The following CERS3 variants were observed in gnomAD, a reference collection of about 807,000 sequenced individuals.
CERS3 encodes the protein ceramide synthase 3.
In CERS3, 33 loss-of-function variants were observed where a neutral mutation model predicts 50.3. The observed-to-expected ratio is 0.66, with a 90% confidence interval of 0.50 to 0.88. The LOEUF is 0.88. Ranked by LOEUF, CERS3 falls within the 40% of genes least tolerant of loss-of-function variation. The pLI is 0.00. For missense variants in CERS3, 470 were observed against 460.3 expected, an observed-to-expected ratio of 1.02 and a Z score of -0.19; for synonymous variants, 176 against 155.2, an observed-to-expected ratio of 1.13 and a Z score of -0.99.
intron 5 of CERS3, among the ~76,000 whole-genome samples, chr15:100,482,238 A>G (rs1567651093): frequency 6.6e-6 from 1 of 152,224 alleles, no homozygotes; most frequent in Admixed American, 6.5e-5. Flanking sequence ...AGAATGAGAT[A>G]AACATAAACG....
At chr15:100,512,545 GA>G (rs2036375016) in intron 2 of CERS3, among the ~76,000 whole-genome samples, 1 of 152,206 alleles carries the variant, frequency 6.6e-6, no homozygotes, top group African/African-American at 2.4e-5. Context: ...CTCCTTTCAA[GA>G]GGGTCTGCAT....
intron 1 of CERS3, among the ~76,000 whole-genome samples, chr15:100,524,980 A>G (rs2036745062): frequency 6.6e-6 from 1 of 152,228 alleles, no homozygotes; most frequent in Non-Finnish European, 1.5e-5. Context: ...GAACCTGAAT[A>G]TAGTAAGTAA....
chr15:100,403,446 A>C (rs2030716817), intron 11 of CERS3, among the ~76,000 whole-genome samples: 1 of 152,168 alleles, frequency 6.6e-6, no homozygotes, highest in Non-Finnish European at 1.5e-5. Context: ...AAAAAACAAT[A>C]AGGAAAACCA....
At chr15:100,506,161 C>A (rs1209443858) in intron 2 of CERS3, among the ~76,000 whole-genome samples, 1 of 151,796 alleles carries the variant, frequency 6.6e-6, no homozygotes, top group Non-Finnish European at 1.5e-5. Context: ...TGATGACCCA[C>A]AGAATGGAAA....
rs373815290 is a variant in CERS3 at position 100,484,685 on chromosome 15, C to T, written c.289-17G>A. The T allele has an allele frequency of 1.1e-5, 17 of 1,537,466 alleles. No homozygotes were observed. The highest frequency in any genetic ancestry group is 3.3e-5 in the Admixed American group (2 of 59,894). On this transcript the variant is annotated splice_polypyrimidine_tract_variant and intron_variant, in intron 4 of 11. Transcript: ENST00000679737. ...AATATCAGTCTGAAAAGGGATGAAA[C>T]GCATAAATGAGTGATAAAGAACAGA...
intron 10 of CERS3, among the ~76,000 whole-genome samples, chr15:100,466,185 G>C (rs937269662): frequency 2.0e-5 from 3 of 152,100 alleles, no homozygotes; most frequent in African/African-American, 7.2e-5. Flanking sequence ...CAACAGTGTG[G>C]GAAAATAGCG....
chr15:100,486,850 C>CT (rs139248082), intron 4 of CERS3, among the ~76,000 whole-genome samples: 3,423 of 152,320 alleles, frequency 0.022, 137 homozygotes, highest in African/African-American at 0.078. Context: ...AAGTCCTTGT[C>CT]TTTATTCTGG....
At chr15:100,494,493 C>T (rs577297734) in intron 3 of CERS3, among the ~76,000 whole-genome samples, 171 of 151,890 alleles carry the variant, frequency 1.1e-3, no homozygotes, top group African/African-American at 3.9e-3. Context: ...ATGATCCACC[C>T]GCCTTGGCCT....
At position 100,503,886 on chromosome 15, in the gene CERS3, C is replaced by T. The variant is rs115801082; in HGVS notation, c.-1-2036G>A. The T allele has an allele frequency of 6.9e-4, 262 of 378,542 alleles. 1 individual carries two copies. Among genetic ancestry groups the T allele is most frequent in the African/African-American group, 5.2e-3 (248 of 47,692 alleles). 23.4% of individuals were successfully genotyped at this position (378,542 alleles called of 1,614,324 possible). A position where few individuals can be genotyped will look rare whatever the true frequency, so the allele number is the denominator to read the frequency against. ...AATCGGGTAGAGGATAAAGTGAGCC[C>T]CAGAGAGAAGTGAGATTGATGGGGA... On this transcript the variant is annotated intron_variant, in intron 2 of 11. Transcript: ENST00000679737.
intron 4 of CERS3, among the ~76,000 whole-genome samples, chr15:100,486,652 C>T (rs2587771): frequency 0.76 from 115,915 of 152,188 alleles, 45,572 homozygotes; most frequent in East Asian, 0.9. Flanking sequence ...GGCTGGTGCA[C>T]AGCAGGACAT....
intron 9 of CERS3, among the ~76,000 whole-genome samples, chr15:100,471,487 G>T (rs1303448671): frequency 3.3e-5 from 5 of 152,152 alleles, no homozygotes; most frequent in Admixed American, 2.0e-4. Context: ...CAATGAGGCT[G>T]TTTTTACATT....
chr15:100,488,313 T>C (rs1381547473), intron 4 of CERS3, among the ~76,000 whole-genome samples: 2 of 152,212 alleles, frequency 1.3e-5, no homozygotes, highest in Admixed American at 6.5e-5. Flanking sequence ...GTGTACTCCA[T>C]TGTTTCAATC....
chr15:100,508,180 C>CCT (rs10652787), intron 2 of CERS3, among the ~76,000 whole-genome samples: 149,606 of 152,262 alleles, frequency 0.98, 73,551 homozygotes, highest in Middle Eastern at 1. Context: ...AGTTTCTCCC[C>CCT]GTTTAGCCTC....
At chr15:100,518,308 TGAGA>T (rs1421201843) in intron 2 of CERS3, among the ~76,000 whole-genome samples, 4 of 140,616 alleles carry the variant, frequency 2.8e-5, no homozygotes, top group Non-Finnish European at 6.3e-5. Context: ...ACACAGAGAG[TGAGA>T]GAGAGAGACA....
intron 10 of CERS3, among the ~76,000 whole-genome samples, chr15:100,465,495 G>A (rs750275383): frequency 6.6e-6 from 1 of 152,144 alleles, no homozygotes; most frequent in Non-Finnish European, 1.5e-5. Flanking sequence ...CCTGAAAGAA[G>A]CTCCCTCTCT....
intron 8 of CERS3, among the ~76,000 whole-genome samples, chr15:100,473,272 G>A (rs1030047173): frequency 6.6e-6 from 1 of 152,096 alleles, no homozygotes; most frequent in African/African-American, 2.4e-5. Context: ...ATCCCACACT[G>A]GATATATGTG....
intron 11 of CERS3, among the ~76,000 whole-genome samples, chr15:100,443,375 T>G (rs1001319238): frequency 6.7e-6 from 1 of 149,196 alleles, no homozygotes; most frequent in Non-Finnish European, 1.5e-5. Context: ...TCCTTACAAT[T>G]CCCCCATTTC....
At chr15:100,453,973 TA>T (rs1334386968) in intron 11 of CERS3, among the ~76,000 whole-genome samples, 1 of 152,164 alleles carries the variant, frequency 6.6e-6, no homozygotes, top group Non-Finnish European at 1.5e-5. Flanking sequence ...CACTGATTTT[TA>T]AAAATTGAAG....
chr15:100,491,074 C>G, intron 3 of CERS3, 143 bp from the exon 4 acceptor site: 1 of 560,992 alleles, frequency 1.8e-6, no homozygotes, highest in South Asian at 2.3e-5. Flanking sequence ...CAGCCAAAAT[C>G]TGTCTCTCAA....
Sources: allele counts gnomAD v4.1 joint callset (sites outside exome capture counted in the v4.1 genomes callset), GRCh38; gene constraint gnomAD v4.1.1; transcripts MANE v1.5; gene names NCBI Gene and HGNC (gene_info 2026-07-23, HGNC 2026-07-21).